ITIH2: variants seen among roughly 807,000 people sequenced by gnomAD.
ITIH2 encodes the protein inter-alpha-trypsin inhibitor heavy chain H2.
In ITIH2, 103 loss-of-function variants were observed where a neutral mutation model predicts 104.4. That is an observed-to-expected ratio of 0.99 (90% CI 0.84 to 1.16). The LOEUF (loss-of-function observed/expected upper bound fraction) is 1.16, where lower values mean the gene tolerates loss of function less well. ITIH2 is among the 50% of genes most tolerant of loss of function. The pLI, the probability that ITIH2 is intolerant of heterozygous loss-of-function variation, is 0.00. For synonymous variants in ITIH2, 436 were observed against 435.4 expected, an observed-to-expected ratio of 1.00 and a Z score of -0.02; for missense variants, 1,108 against 1,162.4, an observed-to-expected ratio of 0.95 and a Z score of 0.68.
chr10:7,725,103 G>A (rs971414871), intron 9 of ITIH2, among the ~76,000 whole-genome samples: 4 of 152,116 alleles, frequency 2.6e-5, no homozygotes, highest in African/African-American at 7.2e-5. Context: ...TGAGGGATAG[G>A]GGACAGAGAA....
At chr10:7,714,163 C>CTCTTTTT (rs1564298974) in intron 5 of ITIH2, among the ~76,000 whole-genome samples, 17 of 125,636 alleles carry the variant, frequency 1.4e-4, no homozygotes, top group African/African-American at 5.7e-4. Flanking sequence ...TGCACACTCA[C>CTCTTTTT]TATTTTTTTT....
At chr10:7,733,048 C>T (rs1011939591) in intron 14 of ITIH2, among the ~76,000 whole-genome samples, 1 of 151,544 alleles carries the variant, frequency 6.6e-6, no homozygotes, top group East Asian at 2.0e-4. Flanking sequence ...ATTTTAAGTG[C>T]ACCATTCAAT....
At chr10:7,721,087 G>A (rs1307315091) in intron 7 of ITIH2, 124 bp downstream of exon 7, 1 of 657,046 alleles carries the variant, frequency 1.5e-6, no homozygotes, top group African/African-American at 1.8e-5. Context: ...GAAGAAATGG[G>A]GATCCCCAAG....
In ITIH2 at chr10:7,727,095, T is replaced by C. The variant is rs559797350; in HGVS notation, c.1130T>C (p.Ile377Thr). 6.2e-7 allele frequency: 1 copy of C among 1,614,106 alleles called. No individual in the cohort carries two copies. The highest frequency in any genetic ancestry group is 1.1e-5 in the South Asian group (1 of 91,054). Residue 377 changes from isoleucine (I) to threonine (T), a missense_variant, in exon 10 of 21, where the codon ATT (isoleucine) becomes ACT (threonine). Physicochemically the swap from Ile to Thr is moderately conservative, Grantham distance 89 (BLOSUM62 -1). Transcript: ENST00000358415. ...CAGGTTGCAGATGCCAAGAGGTATA[T>C]TGAGAAAATCCAGCCCAGTGGAGGT... ...KTQVADAKRY[I>T]EKIQPSGGTN...
chr10:7,734,982 T>C lies in ITIH2; in HGVS notation c.1848T>C (p.Ser616=), dbSNP rs1835039117. 6.2e-7 allele frequency: 1 copy of C among 1,613,812 alleles called. No individual in the cohort carries two copies. Among genetic ancestry groups the C allele is most frequent in the Non-Finnish European group, 8.5e-7 (1 of 1,180,014 alleles). The change falls in exon 15 of 21, where the codon TCT becomes TCC. Residue 616 remains serine (S), a synonymous_variant. Coordinates refer to ENST00000358415, the MANE Select transcript of ITIH2 (RefSeq NM_002216.3). The part of the protein sequence containing the change: ...RRITRSILQM[S]LDHHIVTPLT... ...TTACAAGATCGATCCTGCAGATGTC[T>C]CTAGACCACCACATTGTGACTCCGC...
At position 7,737,047 on chromosome 10, in the gene ITIH2, C is replaced by G. The variant is rs57046952; in HGVS notation, c.1958-1574C>G. 1.9e-3 allele frequency among the ~76,000 whole-genome samples: 282 copies of G among 152,166 alleles called. 3 individuals carry two copies. Among genetic ancestry groups the G allele is most frequent in the African/African-American group, 6.6e-3 (273 of 41,528 alleles). On this transcript the variant is annotated intron_variant, in intron 15 of 20. Coordinates refer to ENST00000358415, the MANE Select transcript of ITIH2 (RefSeq NM_002216.3). ...GGAAGCCCTGTGGTTTGTACAAGCACTTGCTCCCAATCATTGGAATCAGGT... is the reference window on the plus strand; with the variant it reads ...GGAAGCCCTGTGGTTTGTACAAGCAGTTGCTCCCAATCATTGGAATCAGGT...
rs1207887824 is a variant in ITIH2 at position 7,707,196 on chromosome 10, CA to C, written c.160-4del. ...GAAGAATGATTGTCTAACTTCCTTT[CA>C]CAGAGAAGCCTTCCAGGAGAATCGG... On this transcript the variant is annotated splice_region_variant and splice_polypyrimidine_tract_variant and intron_variant, in intron 2 of 20. Coordinates refer to ENST00000358415, the MANE Select transcript of ITIH2 (RefSeq NM_002216.3). 3 of 1,599,520 alleles carry C rather than the reference CA, an allele frequency of 1.9e-6. No homozygotes were observed. The highest frequency in any genetic ancestry group is 2.6e-6 in the Non-Finnish European group (3 of 1,168,600).
chr10:7,734,466 G>T (rs60553830), intron 14 of ITIH2, among the ~76,000 whole-genome samples: 1 of 152,180 alleles, frequency 6.6e-6, no homozygotes, highest in Non-Finnish European at 1.5e-5. Context: ...AGGCCAAGGC[G>T]TGTGGATCGC....
intron 4 of ITIH2, among the ~76,000 whole-genome samples, 154 bp downstream of exon 4, chr10:7,709,345 T>C (rs1354245407): frequency 6.6e-6 from 1 of 152,228 alleles, no homozygotes; most frequent in East Asian, 1.9e-4. Context: ...AATTTTCTCC[T>C]CTTCAAAGCG....
At chr10:7,717,813 C>G (rs758056691) in intron 6 of ITIH2, 25 bp downstream of exon 6, 1 of 1,593,520 alleles carries the variant, frequency 6.3e-7, no homozygotes, top group South Asian at 1.1e-5. Flanking sequence ...GTAGGGTGGG[C>G]AGTGACACTG....
intron 4 of ITIH2, 47 bp downstream of exon 4, chr10:7,709,238 C>A: frequency 1.3e-6 from 2 of 1,552,866 alleles, no homozygotes; most frequent in East Asian, 2.2e-5. Flanking sequence ...GCTCTACTCA[C>A]AGAATCAAAA....
chr10:7,705,269 G>C, intron 2 of ITIH2, 87 bp downstream of exon 2: 1 of 939,260 alleles, frequency 1.1e-6, no homozygotes, highest in Non-Finnish European at 1.7e-6. Context: ...CCTTCTGCTA[G>C]ATTTTCTTAA....
chr10:7,719,662 GA>G (rs1254808573), intron 6 of ITIH2, among the ~76,000 whole-genome samples: 1 of 147,468 alleles, frequency 6.8e-6, no homozygotes, highest in Non-Finnish European at 1.5e-5. Flanking sequence ...TTGGGAGGCT[GA>G]GGCAGGAGGA....
At chr10:7,728,128 T>C (rs1834968455) in intron 11 of ITIH2, among the ~76,000 whole-genome samples, 2 of 152,166 alleles carry the variant, frequency 1.3e-5, no homozygotes, top group Admixed American at 1.3e-4. Flanking sequence ...GAAATGCATC[T>C]ATTTCCTCAA....
intron 19 of ITIH2, among the ~76,000 whole-genome samples, chr10:7,746,006 G>A (rs560340466): frequency 1.0e-4 from 14 of 133,984 alleles, no homozygotes; most frequent in South Asian, 5.0e-4. Context: ...TGCCCACCTC[G>A]GCCTCCCAAA....
intron 4 of ITIH2, among the ~76,000 whole-genome samples, chr10:7,712,067 C>A (rs1416546043): frequency 6.6e-6 from 1 of 152,170 alleles, no homozygotes; most frequent in East Asian, 1.9e-4. Context: ...CAGCACCTTC[C>A]CCCTTTTTCT....
At position 7,717,714 on chromosome 10, in the gene ITIH2, G is replaced by A. The variant is rs771684658; in HGVS notation, c.556G>A (p.Val186Met). 15 of 1,613,588 alleles carry A rather than the reference G, an allele frequency of 9.3e-6. No individual in the cohort carries two copies. The highest frequency in any genetic ancestry group is 1.2e-5 in the Non-Finnish European group (14 of 1,179,988). Residue 186 changes from valine to methionine, a missense_variant, in exon 6 of 21, where the codon GTG becomes ATG. Physicochemically the swap from Val to Met is conservative, Grantham distance 21. Transcript: ENST00000358415. The part of the protein sequence containing the change: ...KVQFELHYQE[V>M]KWRKLGSYEH... ...GCAGTTCGAACTTCACTACCAGGAG[G>A]TGAAGTGGAGGAAGCTGGGCTCCTA...
rs1306274545 is a variant in ITIH2 at position 7,703,382 on chromosome 10, A to T, written c.-53A>T. The T allele has an allele frequency of 8.2e-7, 1 of 1,215,980 alleles. No homozygotes were observed. The highest frequency in any genetic ancestry group is 1.2e-5 in the South Asian group (1 of 82,746). The allele number at this position is 1,215,980 out of a possible 1,614,324, so 75.3% of individuals were successfully genotyped here. A position where few individuals can be genotyped will look rare whatever the true frequency, so the allele number is the denominator to read the frequency against. On this transcript the variant is annotated 5_prime_UTR_variant, in exon 1 of 21. Transcript: ENST00000358415. ...GAACTTGGTTCAGTAGGAAGAAGTG[A>T]TATCCTCCCCAGACCATCTGCTTTG...
Position 7,747,170 on chromosome 10 carries a change from T to TA in ITIH2, c.2693+467dup, listed in dbSNP as rs1237164409. ...ATATGCTTCATCTGAAGTGAGAACT[T>TA]AGACGCTCATAACGCATTCTGAGTG... On this transcript the variant is annotated intron_variant, in intron 20 of 20. Transcript: ENST00000358415. Among the ~76,000 whole-genome samples, 3 of 152,208 alleles carry TA rather than the reference T, an allele frequency of 2.0e-5. No individual in the cohort carries two copies. The East Asian group carries it at 5.8e-4, about 29-fold the overall frequency.
Sources: gnomAD v4.1 joint callset for allele counts (sites outside exome capture counted in the v4.1 genomes callset) on GRCh38, gnomAD v4.1.1 for gene constraint, MANE v1.5 for transcripts, NCBI Gene and HGNC (gene_info 2026-07-23, HGNC 2026-07-21) for gene names.